The following MAGI2 variants were observed in gnomAD, a reference collection of about 807,000 sequenced individuals.
The protein encoded by MAGI2 is membrane-associated guanylate kinase, WW and PDZ domain-containing protein 2.
Under a neutral mutation model 133.3 loss-of-function variants are expected in MAGI2, and 35 were observed. The ratio of observed to expected loss-of-function variants is 0.26; its 90% CI spans 0.20 to 0.35. The LOEUF is 0.35. Ranked by LOEUF, MAGI2 falls within the 10% of genes least tolerant of loss-of-function variation. The pLI is 1.00. For synonymous variants in MAGI2, 729 were observed against 710.6 expected (o/e 1.03, Z -0.41); for missense variants, 1,636 against 1,863.4 (o/e 0.88, Z 2.25).
intron 3 of MAGI2, among the ~76,000 whole-genome samples, chr7:78,606,832 ATT>A (rs752500207): frequency 3.3e-5 from 3 of 89,848 alleles, no homozygotes; most frequent in African/African-American, 1.1e-4. Flanking sequence ...CCCTCCCACA[ATT>A]TTCTTTATGT....
At chr7:79,320,982 G>T (rs908591467) in intron 1 of MAGI2, among the ~76,000 whole-genome samples, 1 of 152,196 alleles carries the variant, frequency 6.6e-6, no homozygotes, top group African/African-American at 2.4e-5. Flanking sequence ...CACATAACCT[G>T]TTCAGAATTG....
rs915338726 is a variant in MAGI2, at chr7:78,274,693, G to A, written c.1409-18112C>T. On this transcript the variant is annotated intron_variant, in intron 9 of 21. Coordinates refer to ENST00000354212, the MANE Select transcript of MAGI2 (RefSeq NM_012301.4). ...GCTGCAGAGGCCTTGCTTAGCTGCGGTGGGCTCCCCTCAGTTCGTACTTCA... is the reference window on the plus strand; with the variant it reads ...GCTGCAGAGGCCTTGCTTAGCTGCGATGGGCTCCCCTCAGTTCGTACTTCA... Among the ~76,000 whole-genome samples, 5 of 152,254 alleles carry A rather than the reference G, an allele frequency of 3.3e-5. No homozygotes were observed. The East Asian group carries it at 5.8e-4, about 18-fold the overall frequency.
At chr7:79,369,878 C>T (rs1417960490) in intron 1 of MAGI2, among the ~76,000 whole-genome samples, 1 of 151,994 alleles carries the variant, frequency 6.6e-6, no homozygotes. Context: ...GGTTTTACTC[C>T]ATTTCTATTC....
chr7:78,456,072 C>CT (rs374928010), intron 6 of MAGI2, among the ~76,000 whole-genome samples: 2,733 of 146,680 alleles, frequency 0.019, 25 homozygotes, highest in African/African-American at 0.02. Flanking sequence ...ACATGATGTA[C>CT]TTTTTTTTTT....
chr7:78,898,159 C>G (rs1391101035), intron 2 of MAGI2, among the ~76,000 whole-genome samples: 1 of 152,076 alleles, frequency 6.6e-6, no homozygotes, highest in Admixed American at 6.5e-5. Flanking sequence ...AGTCAAATGG[C>G]TATTATTAAA....
intron 2 of MAGI2, among the ~76,000 whole-genome samples, chr7:78,945,087 CTG>C (rs1801307012): frequency 6.6e-6 from 1 of 151,842 alleles, no homozygotes; most frequent in Non-Finnish European, 1.5e-5. Context: ...TGGAGTATTG[CTG>C]TGTTCCCCAC....
chr7:78,280,129 G>A lies in MAGI2; in HGVS notation c.1409-23548C>T, dbSNP rs114523589. 4.7e-3 allele frequency among the ~76,000 whole-genome samples: 722 copies of A among 152,264 alleles called. 8 individuals carry two copies. Among genetic ancestry groups the A allele is most frequent in the African/African-American group, 0.016 (645 of 41,548 alleles). Reference sequence around the variant, plus strand: ...TTTGAGATAGAGCAAGGTAAGCAGCGCTCAGCATAGTTTCTGGGGGATTTG... The same window carrying A: ...TTTGAGATAGAGCAAGGTAAGCAGCACTCAGCATAGTTTCTGGGGGATTTG... On this transcript the variant is annotated intron_variant, in intron 9 of 21. Transcript: ENST00000354212.
chr7:78,446,956 T>A (rs371276956), intron 6 of MAGI2, among the ~76,000 whole-genome samples: 1 of 152,100 alleles, frequency 6.6e-6, no homozygotes, highest in Non-Finnish European at 1.5e-5. Context: ...GATGCACAGT[T>A]GGCAGTTTCT....
chr7:78,120,006 A>G (rs1011224537), intron 20 of MAGI2, among the ~76,000 whole-genome samples: 1 of 152,268 alleles, frequency 6.6e-6, no homozygotes, highest in Non-Finnish European at 1.5e-5. Context: ...AATGGATTAC[A>G]TCATGTTCAT....
At chr7:78,913,053 A>G (rs552246006) in intron 2 of MAGI2, among the ~76,000 whole-genome samples, 1 of 152,134 alleles carries the variant, frequency 6.6e-6, no homozygotes, top group South Asian at 2.1e-4. Context: ...GCAAGAAGCA[A>G]TGTAGTGACT....
chr7:78,884,419 G>A (rs899034773), intron 2 of MAGI2, among the ~76,000 whole-genome samples: 6 of 152,170 alleles, frequency 3.9e-5, no homozygotes, highest in African/African-American at 1.4e-4. Context: ...GGGAGGTCGA[G>A]GCTGCAGTGA....
intron 1 of MAGI2, among the ~76,000 whole-genome samples, chr7:79,346,199 A>C (rs1247382661): frequency 1.3e-5 from 2 of 151,924 alleles, no homozygotes; most frequent in African/African-American, 4.8e-5. Context: ...TCATTTTCTT[A>C]TGAGTCCTTC....
chr7:78,427,294 A>G (rs1799370510), intron 6 of MAGI2, among the ~76,000 whole-genome samples: 1 of 152,154 alleles, frequency 6.6e-6, no homozygotes, highest in African/African-American at 2.4e-5. Context: ...TAAAAACCCA[A>G]TATTACCAGG....
At chr7:78,905,441 T>C (rs565548826) in intron 2 of MAGI2, among the ~76,000 whole-genome samples, 3 of 152,342 alleles carry the variant, frequency 2.0e-5, no homozygotes, top group Middle Eastern at 3.4e-3. Flanking sequence ...CGTAGCCTTC[T>C]ATACCTCTGT....
intron 2 of MAGI2, among the ~76,000 whole-genome samples, chr7:78,670,604 G>T (rs1006699152): frequency 2.6e-5 from 4 of 152,146 alleles, no homozygotes; most frequent in Non-Finnish European, 4.4e-5. Flanking sequence ...AAAAGAGCCC[G>T]CATTGCCAAG....
At chr7:78,964,602 T>C (rs1409605538) in intron 2 of MAGI2, among the ~76,000 whole-genome samples, 1 of 152,228 alleles carries the variant, frequency 6.6e-6, no homozygotes, top group South Asian at 2.1e-4. Context: ...ACTTCCCACC[T>C]GCTTCCTATG....
intron 9 of MAGI2, among the ~76,000 whole-genome samples, chr7:78,333,336 T>C (rs979427498): frequency 2.0e-5 from 3 of 152,160 alleles, no homozygotes; most frequent in African/African-American, 7.2e-5. Context: ...TAGGGGAGTT[T>C]GCACAAACAC....
intron 1 of MAGI2, among the ~76,000 whole-genome samples, chr7:79,023,425 A>G (rs754121480): frequency 3.3e-5 from 5 of 152,182 alleles, no homozygotes; most frequent in Non-Finnish European, 7.4e-5. Context: ...AAACTGGAAG[A>G]AGACAAGGAT....
In MAGI2 at chr7:79,256,014, CA is replaced by C. The variant is rs1040599173; in HGVS notation, c.301+197005del. ...TGGAATGAGAGTTTAAGCCAAAATGCAGCATCATTTCTTATCTAGAAGGCAC... is the reference window on the plus strand; with the variant it reads ...TGGAATGAGAGTTTAAGCCAAAATGCGCATCATTTCTTATCTAGAAGGCAC... On this transcript the variant is annotated intron_variant, in intron 1 of 21. Transcript: ENST00000354212. 2.0e-4 allele frequency among the ~76,000 whole-genome samples: 30 copies of C among 152,128 alleles called. 2 individuals carry two copies. Among genetic ancestry groups the C allele is most frequent in the South Asian group, 6.2e-4 (3 of 4,828 alleles).
Sources: gnomAD v4.1 joint callset for allele counts (sites outside exome capture counted in the v4.1 genomes callset) on GRCh38, gnomAD v4.1.1 for gene constraint, MANE v1.5 for transcripts, NCBI Gene and HGNC (gene_info 2026-07-23, HGNC 2026-07-21) for gene names.